Variants in SIPA1L2 observed in about 807,000 individuals in gnomAD.
SIPA1L2 encodes signal-induced proliferation-associated 1-like protein 2.
A neutral mutation model predicts 163.9 loss-of-function variants in SIPA1L2; 56 were observed. The observed-to-expected ratio is 0.34, with a 90% CI of 0.28 to 0.43. The LOEUF (loss-of-function observed/expected upper bound fraction) is 0.43, where lower values mean the gene tolerates loss of function less well. Ranked by LOEUF, SIPA1L2 falls within the 20% of genes least tolerant of loss-of-function variation. SIPA1L2 has a pLI of 1.00. For missense variants in SIPA1L2, 1,974 were observed against 2,193.5 expected (o/e 0.90, Z 2.00); for synonymous variants, 877 against 865.7 (o/e 1.01, Z -0.23).
chr1:232,551,260 C>T (rs1658364437), intron 2 of SIPA1L2, among the ~76,000 whole-genome samples: 1 of 152,110 alleles, frequency 6.6e-6, no homozygotes, highest in Admixed American at 6.6e-5. Flanking sequence ...TGTCATGTCC[C>T]CCTAAAATCA....
rs182865050 is a variant in SIPA1L2, at chr1:232,523,349, G to C, written c.-269-7741C>G. On this transcript the variant is annotated intron_variant, in intron 2 of 22. Coordinates refer to ENST00000674635, the MANE Select transcript of SIPA1L2 (RefSeq NM_020808.5). Reference sequence around the variant, plus strand: ...AATCAGAAAGAGATAAAAAGAGATAGCCCTCACCTCCTTCTCTCAGGAGGT... The same window carrying C: ...AATCAGAAAGAGATAAAAAGAGATACCCCTCACCTCCTTCTCTCAGGAGGT... 5.9e-5 allele frequency among the ~76,000 whole-genome samples: 9 copies of C among 152,266 alleles called. No individual in the cohort carries two copies. In the East Asian group the frequency reaches 1.7e-3, roughly 29 times the overall value.
intron 10 of SIPA1L2, among the ~76,000 whole-genome samples, chr1:232,446,046 C>T (rs1572908714): frequency 6.6e-6 from 1 of 152,134 alleles, no homozygotes; most frequent in African/African-American, 2.4e-5. Context: ...TCCTGGCTGC[C>T]GTGCAGCCAC....
At chr1:232,562,924 C>T (rs904385234) in intron 2 of SIPA1L2, among the ~76,000 whole-genome samples, 10 of 152,182 alleles carry the variant, frequency 6.6e-5, no homozygotes, top group Non-Finnish European at 1.3e-4. Context: ...CAAGCTGTGT[C>T]GAGAGAACCC....
At chr1:232,511,162 T>C (rs1666960991) in intron 3 of SIPA1L2, among the ~76,000 whole-genome samples, 2 of 152,154 alleles carry the variant, frequency 1.3e-5, no homozygotes, top group Non-Finnish European at 2.9e-5. Context: ...GCATGAGGGT[T>C]ATGAGTTATT....
At chr1:232,446,575 TTC>T (rs1235998710) in intron 10 of SIPA1L2, among the ~76,000 whole-genome samples, 6 of 152,260 alleles carry the variant, frequency 3.9e-5, no homozygotes, top group African/African-American at 1.4e-4. Flanking sequence ...TGATATTTTA[TTC>T]TTCAAGAAAG....
At chr1:232,598,583 T>C (rs562000331) in intron 1 of SIPA1L2, among the ~76,000 whole-genome samples, 56 of 152,276 alleles carry the variant, frequency 3.7e-4, no homozygotes, top group Middle Eastern at 3.4e-3. Context: ...GAAATTTATT[T>C]CTCACAGTTC....
chr1:232,513,974 A>G lies in SIPA1L2; in HGVS notation c.1366T>C (p.Ser456Pro), dbSNP rs1237425643. 6.2e-7 allele frequency: 1 copy of G among 1,614,188 alleles called. No homozygotes were observed. ...TTTTCTCTGGGCACTTCCAAGACGGAGACACCTGCATTTGTGCAGTGAGAG... is the reference window on the plus strand; with the variant it reads ...TTTTCTCTGGGCACTTCCAAGACGGGGACACCTGCATTTGTGCAGTGAGAG... ...LSSHCTNAGV[S>P]VLEVPRENQP... Residue 456 changes from serine to proline, a missense_variant, in exon 3 of 23, where the codon TCC becomes CCC. Coordinates refer to ENST00000674635, the MANE Select transcript of SIPA1L2 (RefSeq NM_020808.5).
At chr1:232,417,897 G>C (rs1395817082) in intron 18 of SIPA1L2, among the ~76,000 whole-genome samples, 1 of 152,196 alleles carries the variant, frequency 6.6e-6, no homozygotes, top group African/African-American at 2.4e-5. Context: ...GCGGAGGTCA[G>C]GCAGGCTGGA....
intron 18 of SIPA1L2, among the ~76,000 whole-genome samples, chr1:232,420,311 G>A (rs958351050): frequency 4.6e-5 from 7 of 151,912 alleles, no homozygotes; most frequent in African/African-American, 1.5e-4. Context: ...CAACAAGAGC[G>A]AAACTCCGTC....
At chr1:232,433,630 C>T (rs113059555) in intron 15 of SIPA1L2, among the ~76,000 whole-genome samples, 7 of 152,136 alleles carry the variant, frequency 4.6e-5, no homozygotes, top group African/African-American at 7.2e-5. Context: ...TACCCACCCC[C>T]GGCTGACTGA....
intron 10 of SIPA1L2, among the ~76,000 whole-genome samples, chr1:232,448,799 G>A (rs1016595638): frequency 9.9e-5 from 15 of 152,170 alleles, no homozygotes; most frequent in African/African-American, 3.1e-4. Flanking sequence ...ACAGTAGTTC[G>A]GCCCTGGGCC....
intron 2 of SIPA1L2, among the ~76,000 whole-genome samples, chr1:232,568,448 A>G (rs546120708): frequency 2.0e-5 from 3 of 152,360 alleles, no homozygotes; most frequent in African/African-American, 7.2e-5. Context: ...CTGTTGTGGT[A>G]TGACAGCAGC....
rs765760818 is a variant in SIPA1L2, at chr1:232,465,391, C to T, written c.2269G>A (p.Val757Met). 3.1e-6 allele frequency: 5 copies of T among 1,610,596 alleles called. No individual in the cohort carries two copies. The highest frequency in any genetic ancestry group is 1.7e-5 in the Admixed American group (1 of 59,826). ...YSVGVSRSKD[V>M]PPFGPPIPKG... ...GGAATCGGTGGGCCAAATGGTGGCA[C>T]ATCTTTTGATCTGGAAACTCCAACA... The change falls in exon 9 of 23, where the codon GTG (valine) becomes ATG (methionine). Residue 757 changes from valine to methionine, a missense_variant. This residue lies in a region of SIPA1L2 where 288 missense variants were observed against 418.9 expected (regional missense o/e 0.69). Transcript: ENST00000674635. This position sits in a 1 kb window ranked among gnomAD's most constrained non-coding sequence, Gnocchi z 4.1.
At chr1:232,563,582 A>G (rs943007582) in intron 2 of SIPA1L2, among the ~76,000 whole-genome samples, 3 of 152,222 alleles carry the variant, frequency 2.0e-5, no homozygotes, top group African/African-American at 7.2e-5. Flanking sequence ...GAAGTTCTCA[A>G]CCCTTCCTTC....
rs16856983 is a variant in SIPA1L2 at position 232,401,582 on chromosome 1, A to G, written c.5022+810T>C. ...TGAACATGTGCATATATGAACACAC[A>G]CATGTGCACACATACTCTGCTCCAC... is the stretch of plus-strand genomic sequence containing the variant. On this transcript the variant is annotated intron_variant, in intron 22 of 22. Coordinates refer to ENST00000674635, the MANE Select transcript of SIPA1L2 (RefSeq NM_020808.5). 0.035 allele frequency among the ~76,000 whole-genome samples: 5,257 copies of G among 152,264 alleles called. 741 individuals carry two copies. The East Asian group carries it at 0.48, about 14-fold the overall frequency.
chr1:232,552,524 T>C (rs1212505872), intron 2 of SIPA1L2, among the ~76,000 whole-genome samples: 1 of 151,872 alleles, frequency 6.6e-6, no homozygotes, highest in African/African-American at 2.4e-5. Context: ...GCATATGCCA[T>C]CACATCGGGT....
intron 2 of SIPA1L2, among the ~76,000 whole-genome samples, chr1:232,562,566 A>T (rs1004187132): frequency 5.3e-5 from 8 of 152,180 alleles, no homozygotes; most frequent in Non-Finnish European, 7.3e-5. Flanking sequence ...TATAATGAGA[A>T]TTTTTTTCCA....
intron 1 of SIPA1L2, among the ~76,000 whole-genome samples, chr1:232,627,872 A>T (rs986806134): frequency 4.6e-5 from 7 of 152,132 alleles, no homozygotes; most frequent in African/African-American, 1.4e-4. Context: ...GTACTGATAA[A>T]AGCTGTTTCT....
Position 232,515,121 on chromosome 1 carries a change from C to T in SIPA1L2, c.219G>A (p.Lys73=), listed in dbSNP as rs4649383. The change falls in exon 3 of 23, where the codon AAG becomes AAA. Residue 73 remains lysine (K), a synonymous_variant. Coordinates refer to ENST00000674635, the MANE Select transcript of SIPA1L2 (RefSeq NM_020808.5). The part of the protein sequence containing the change: ...GPANGTPAVP[K]MGVRARVSEW... ...CAGACACCCTTGCTCTCACACCCAT[C>T]TTGGGCACAGCTGGGGTACCATTAG... 0.75 allele frequency: 1,216,802 copies of T among 1,613,808 alleles called. 469,776 individuals carry two copies. The highest frequency in any genetic ancestry group is 0.81 in the Non-Finnish European group (950,055 of 1,179,890).
Sources: allele counts gnomAD v4.1 joint callset (sites outside exome capture counted in the v4.1 genomes callset), GRCh38; gene constraint gnomAD v4.1.1; regional missense constraint gnomAD v4.1.1; non-coding constraint Gnocchi (gnomAD v3.1); transcripts MANE v1.5; gene names NCBI Gene and HGNC (gene_info 2026-07-23, HGNC 2026-07-21).